The following MECOM variants were observed in gnomAD, a reference collection of about 807,000 sequenced individuals.
The protein encoded by MECOM is MDS1 and EVI1 complex locus.
A neutral mutation model predicts 116.3 loss-of-function variants in MECOM; 13 were observed. The ratio of observed to expected loss-of-function variants is 0.11; its 90% CI spans 0.07 to 0.18. The LOEUF (loss-of-function observed/expected upper bound fraction) is 0.18, where lower values mean the gene tolerates loss of function less well. Among genes scored for constraint, MECOM ranks in the 10% least tolerant of loss-of-function variants. The pLI, the probability that MECOM is intolerant of heterozygous loss-of-function variation, is 1.00. For missense variants in MECOM, 1,299 were observed against 1,509.0 expected, an observed-to-expected ratio of 0.86 and a Z score of 2.31; for synonymous variants, 528 against 535.2, an observed-to-expected ratio of 0.99 and a Z score of 0.19.
At chr3:169,247,736 C>G (rs1755771787) in intron 2 of MECOM, among the ~76,000 whole-genome samples, 1 of 152,212 alleles carries the variant, frequency 6.6e-6, no homozygotes, top group Admixed American at 6.5e-5. Flanking sequence ...TCACTACATG[C>G]TTATCCCACA....
At chr3:169,197,296 A>T (rs1488107) in intron 2 of MECOM, among the ~76,000 whole-genome samples, 7 of 151,414 alleles carry the variant, frequency 4.6e-5, no homozygotes, top group African/African-American at 1.2e-4. Context: ...AACCTGCACA[A>T]GTACTCCTGA....
At chr3:169,521,180 T>G (rs1298525625) in intron 1 of MECOM, among the ~76,000 whole-genome samples, 1 of 152,178 alleles carries the variant, frequency 6.6e-6, no homozygotes, top group Non-Finnish European at 1.5e-5. Context: ...CTAGGCTGGT[T>G]GGGTCCAGAG....
At chr3:169,141,130 G>C (rs1737979372) in intron 3 of MECOM, among the ~76,000 whole-genome samples, 1 of 151,838 alleles carries the variant, frequency 6.6e-6, no homozygotes, top group Non-Finnish European at 1.5e-5. Flanking sequence ...GTTTTGTCCT[G>C]GGTAATCTTT....
At chr3:169,521,812 T>C (rs1448833511) in intron 1 of MECOM, among the ~76,000 whole-genome samples, 1 of 152,218 alleles carries the variant, frequency 6.6e-6, no homozygotes, top group Non-Finnish European at 1.5e-5. Context: ...TCCATATCTG[T>C]GGATTCAAAC....
chr3:169,326,865 G>A (rs1286545250), intron 2 of MECOM, among the ~76,000 whole-genome samples: 4 of 152,096 alleles, frequency 2.6e-5, no homozygotes, highest in African/African-American at 7.2e-5. Context: ...ATCAAGGAAG[G>A]GCAGAGGGTT....
At chr3:169,559,322 G>A (rs79068492) in intron 1 of MECOM, among the ~76,000 whole-genome samples, 33,566 of 151,986 alleles carry the variant, frequency 0.22, 4,715 homozygotes, top group East Asian at 0.7. Flanking sequence ...AACTGTCTTG[G>A]TCAAACAATA....
intron 2 of MECOM, among the ~76,000 whole-genome samples, chr3:169,254,871 G>A (rs538506420): frequency 6.6e-6 from 1 of 152,148 alleles, no homozygotes; most frequent in African/African-American, 2.4e-5. Flanking sequence ...AGATATAGAA[G>A]TGGTGTTGGA....
chr3:169,108,919 G>A (rs573120602), intron 9 of MECOM, among the ~76,000 whole-genome samples: 1 of 152,230 alleles, frequency 6.6e-6, no homozygotes, highest in Non-Finnish European at 1.5e-5. Flanking sequence ...GTAAAAGAGA[G>A]TCTGTTGCAG....
chr3:169,240,471 G>A (rs576473861), intron 2 of MECOM, among the ~76,000 whole-genome samples: 4 of 152,110 alleles, frequency 2.6e-5, no homozygotes, highest in Admixed American at 1.3e-4. Context: ...ATCACTAAAA[G>A]GGACTCGTCT....
At chr3:169,393,118 T>C (rs1040338620) in intron 1 of MECOM, among the ~76,000 whole-genome samples, 1 of 152,132 alleles carries the variant, frequency 6.6e-6, no homozygotes, top group Admixed American at 6.6e-5. Flanking sequence ...AGGACTGCTG[T>C]GATACCAGTG....
chr3:169,550,863 G>A (rs1460473649), intron 1 of MECOM, among the ~76,000 whole-genome samples: 2 of 75,902 alleles, frequency 2.6e-5, no homozygotes, highest in Non-Finnish European at 5.0e-5. Context: ...TCGCTCTGTC[G>A]CCCAGGCTGG....
chr3:169,149,935 C>CTGTGTG (rs58944452), intron 2 of MECOM, among the ~76,000 whole-genome samples: 238 of 131,292 alleles, frequency 1.8e-3, no homozygotes, highest in East Asian at 5.3e-3. Flanking sequence ...TTCTCTCTCT[C>CTGTGTG]TGTGTGTGTG....
chr3:169,514,854 A>G (rs1279848220), intron 1 of MECOM, among the ~76,000 whole-genome samples: 9 of 152,238 alleles, frequency 5.9e-5, no homozygotes, highest in Non-Finnish European at 1.3e-4. Context: ...GAGAGCCAGT[A>G]TAGTTTTAAA....
chr3:169,660,236 G>T (rs1776107872), intron 1 of MECOM, among the ~76,000 whole-genome samples: 1 of 152,140 alleles, frequency 6.6e-6, no homozygotes, highest in African/African-American at 2.4e-5. Flanking sequence ...TTGGCTTTTG[G>T]TTTTCTTTTC....
At chr3:169,250,947 C>T (rs561089879) in intron 2 of MECOM, among the ~76,000 whole-genome samples, 5 of 152,128 alleles carry the variant, frequency 3.3e-5, no homozygotes, top group Non-Finnish European at 5.9e-5. Context: ...TTCATCTCTA[C>T]GATAATTTTG....
At chr3:169,099,935 G>A (rs1233118699) in intron 12 of MECOM, among the ~76,000 whole-genome samples, 4 of 151,922 alleles carry the variant, frequency 2.6e-5, no homozygotes, top group Non-Finnish European at 5.9e-5. Context: ...ATTTTGGCAT[G>A]TAATAGAATA....
intron 2 of MECOM, among the ~76,000 whole-genome samples, chr3:169,206,431 T>C (rs565141191): frequency 6.6e-6 from 1 of 152,174 alleles, no homozygotes; most frequent in African/African-American, 2.4e-5. Flanking sequence ...CAAACTTTGG[T>C]TCCACTTAAA....
At chr3:169,519,653 C>G (rs989262376) in intron 1 of MECOM, among the ~76,000 whole-genome samples, 1 of 152,232 alleles carries the variant, frequency 6.6e-6, no homozygotes, top group Admixed American at 6.5e-5. Flanking sequence ...AGCATGGCCT[C>G]TTGCCCCAAC....
At chr3:169,649,910 G>A (rs1052491917) in intron 1 of MECOM, among the ~76,000 whole-genome samples, 5 of 152,186 alleles carry the variant, frequency 3.3e-5, no homozygotes, top group Non-Finnish European at 7.3e-5. Context: ...AATCCAATGA[G>A]TTTTAATAAG....
Sources: allele counts gnomAD v4.1 joint callset (sites outside exome capture counted in the v4.1 genomes callset), GRCh38; gene constraint gnomAD v4.1.1; transcripts MANE v1.5; gene names NCBI Gene and HGNC (gene_info 2026-07-23, HGNC 2026-07-21).